FOCAD: variants seen among roughly 807,000 people sequenced by gnomAD.
FOCAD encodes the protein KIAA1797.
A neutral mutation model predicts 225.6 loss-of-function variants in FOCAD; 198 were observed. The observed-to-expected ratio is 0.88, with a 90% CI of 0.78 to 0.99. FOCAD has a LOEUF of 0.99. Among genes scored for constraint, FOCAD ranks in the 50% least tolerant of loss-of-function variants. The pLI, the probability that FOCAD is intolerant of heterozygous loss-of-function variation, is 0.00. For synonymous variants in FOCAD, 897 were observed against 755.0 expected, an observed-to-expected ratio of 1.19 and a Z score of -3.08; for missense variants, 2,713 against 2,123.6, an observed-to-expected ratio of 1.28 and a Z score of -5.46.
intron 39 of FOCAD, among the ~76,000 whole-genome samples, chr9:20,982,789 T>A (rs533991287): frequency 2.0e-5 from 3 of 152,312 alleles, no homozygotes; most frequent in East Asian, 3.9e-4. Flanking sequence ...CCCACACCCA[T>A]GCCCAAGTCA....
intron 21 of FOCAD, among the ~76,000 whole-genome samples, chr9:20,900,827 GAATTGTCAGCTT>G (rs1286797871): frequency 1.3e-5 from 2 of 151,848 alleles, no homozygotes; most frequent in Non-Finnish European, 2.9e-5. Context: ...AGATGTGACT[GAATTGTCAGCTT>G]AATTGTCAGC....
intron 5 of FOCAD, among the ~76,000 whole-genome samples, chr9:20,754,498 G>A (rs998838124): frequency 1.3e-5 from 2 of 151,088 alleles, no homozygotes; most frequent in Non-Finnish European, 2.9e-5. Context: ...GATCTTGATC[G>A]ATTAACTACT....
chr9:20,931,550 T>C (rs186383610), intron 27 of FOCAD, among the ~76,000 whole-genome samples: 584 of 152,336 alleles, frequency 3.8e-3, no homozygotes, highest in African/African-American at 0.013. Context: ...GCAAGTGTTT[T>C]GAGAGCTGTT....
At chr9:20,923,231 G>C (rs540361057) in intron 24 of FOCAD, among the ~76,000 whole-genome samples, 21 of 152,240 alleles carry the variant, frequency 1.4e-4, no homozygotes, top group Non-Finnish European at 2.2e-4. Flanking sequence ...TCAACATACC[G>C]GTGCTTCAGA....
chr9:20,924,010 G>A (rs1202144718), intron 25 of FOCAD, among the ~76,000 whole-genome samples: 1 of 152,066 alleles, frequency 6.6e-6, no homozygotes, highest in Non-Finnish European at 1.5e-5. Flanking sequence ...TGCCATAGGG[G>A]TTATCTTTTT....
intron 6 of FOCAD, among the ~76,000 whole-genome samples, chr9:20,761,283 T>A (rs1284919254): frequency 6.6e-6 from 1 of 152,218 alleles, no homozygotes; most frequent in Non-Finnish European, 1.5e-5. Flanking sequence ...ATCATGGATT[T>A]TAGGCTGGGT....
intron 21 of FOCAD, among the ~76,000 whole-genome samples, chr9:20,894,501 C>G (rs763124595): frequency 2.0e-5 from 3 of 152,060 alleles, no homozygotes; most frequent in Non-Finnish European, 2.9e-5. Flanking sequence ...TCCTCTTGCT[C>G]CAAAGCCTTG....
At chr9:20,841,809 C>G (rs918648805) in intron 15 of FOCAD, among the ~76,000 whole-genome samples, 2 of 151,324 alleles carry the variant, frequency 1.3e-5, no homozygotes, top group African/African-American at 4.8e-5. Flanking sequence ...TTGATTTGCT[C>G]TTGCTTTTCT....
chr9:20,840,333 A>G (rs1344896514), intron 15 of FOCAD, among the ~76,000 whole-genome samples: 1 of 151,766 alleles, frequency 6.6e-6, no homozygotes, highest in Admixed American at 6.6e-5. Context: ...TGTCCTCTTC[A>G]GTTTCTCTCA....
chr9:20,896,539 T>C (rs1379542269), intron 21 of FOCAD, among the ~76,000 whole-genome samples: 2 of 151,934 alleles, frequency 1.3e-5, no homozygotes, highest in Non-Finnish European at 2.9e-5. Flanking sequence ...ATTTCTTTAA[T>C]AGATACAGGC....
intron 42 of FOCAD, 62 bp from the exon 43 acceptor site, chr9:20,993,191 A>G: frequency 1.5e-5 from 20 of 1,364,512 alleles, no homozygotes; most frequent in Non-Finnish European, 2.1e-5. Context: ...CCAAGGGAAT[A>G]ACTGTTCTTT....
In FOCAD at chr9:20,758,100, C is replaced by T. The variant is rs1259700147; in HGVS notation, c.403C>T (p.His135Tyr). ...TTCTGTGTCTTTCAGAAATCATCCT[C>T]ATCCTTTGATAACTGTGCTTGAACA... The part of the protein sequence containing the change: ...QSIYTIRNHP[H>Y]PLITVLEHRP... Residue 135 changes from histidine to tyrosine, a missense_variant, in exon 6 of 44, where the codon CAT (histidine) becomes TAT (tyrosine). His to Tyr is a moderately conservative substitution (Grantham distance 83, BLOSUM62 2). Transcript: ENST00000338382. 1 of 1,605,982 alleles carries T rather than the reference C, an allele frequency of 6.2e-7. No homozygotes were observed. The highest frequency in any genetic ancestry group is 1.1e-5 in the South Asian group (1 of 89,196).
intron 27 of FOCAD, among the ~76,000 whole-genome samples, chr9:20,930,016 G>A (rs945169941): frequency 6.6e-6 from 1 of 152,186 alleles, no homozygotes; most frequent in Non-Finnish European, 1.5e-5. Context: ...TATCTCTAGT[G>A]CCTAAGGGGT....
intron 24 of FOCAD, among the ~76,000 whole-genome samples, chr9:20,917,302 G>C (rs1236784949): frequency 6.6e-6 from 1 of 151,880 alleles, no homozygotes; most frequent in African/African-American, 2.4e-5. Flanking sequence ...GAGTTATGTT[G>C]GTAGTACTTC....
intron 5 of FOCAD, among the ~76,000 whole-genome samples, chr9:20,750,252 C>T (rs1469877144): frequency 1.3e-5 from 2 of 152,002 alleles, no homozygotes; most frequent in Non-Finnish European, 2.9e-5. Context: ...GTGATAATTA[C>T]GTTTATTGTA....
chr9:20,674,341 A>G (rs1822164534), intron 2 of FOCAD, among the ~76,000 whole-genome samples: 1 of 152,196 alleles, frequency 6.6e-6, no homozygotes, highest in Non-Finnish European at 1.5e-5. Flanking sequence ...TCCCAACTCC[A>G]TATGGAAATT....
intron 15 of FOCAD, among the ~76,000 whole-genome samples, chr9:20,829,715 C>T (rs1355418057): frequency 6.6e-6 from 1 of 152,010 alleles, no homozygotes; most frequent in Non-Finnish European, 1.5e-5. Context: ...CTTATCAAAC[C>T]ATAGGAGAGA....
rs192873727 is a variant in FOCAD, at chr9:20,940,928, T to A, written c.3408-3699T>A. Reference sequence around the variant, plus strand: ...TGGACAGTATACTGTGTATTTATTTTTTTTCTGACATGCAAGTGTCACCCA... The same window carrying A: ...TGGACAGTATACTGTGTATTTATTTATTTTCTGACATGCAAGTGTCACCCA... On this transcript the variant is annotated intron_variant, in intron 28 of 43. Transcript: ENST00000338382. Among the ~76,000 whole-genome samples the A allele has an allele frequency of 1.8e-3, 268 of 152,342 alleles. 2 individuals carry two copies. In the East Asian group the frequency reaches 0.034, roughly 19 times the overall value.
At chr9:20,955,721 A>G (rs144932955) in intron 35 of FOCAD, among the ~76,000 whole-genome samples, 2 of 152,214 alleles carry the variant, frequency 1.3e-5, no homozygotes, top group African/African-American at 4.8e-5. Context: ...TTCCCCCTGA[A>G]GAACCTCTGA....
Sources: gnomAD v4.1 joint callset for allele counts (sites outside exome capture counted in the v4.1 genomes callset) on GRCh38, gnomAD v4.1.1 for gene constraint, MANE v1.5 for transcripts, NCBI Gene and HGNC (gene_info 2026-07-23, HGNC 2026-07-21) for gene names.